SNX17: variants seen among roughly 807,000 people sequenced by gnomAD.
The protein encoded by SNX17 is sorting nexin 17.
SNX17 carries 35 observed loss-of-function variants against 64.3 expected under a neutral mutation model. That is an observed-to-expected ratio of 0.54 (90% confidence interval 0.42 to 0.72). The LOEUF (loss-of-function observed/expected upper bound fraction) is 0.72, where lower values mean the gene tolerates loss of function less well. SNX17 is among the 30% of genes least tolerant of loss of function. The probability of loss-of-function intolerance (pLI) is 0.00; values close to 1 mark genes in which losing one functional copy is unlikely to be tolerated. For missense variants in SNX17, 538 were observed against 610.0 expected, an observed-to-expected ratio of 0.88 and a Z score of 1.24; for synonymous variants, 259 against 230.2, an observed-to-expected ratio of 1.13 and a Z score of -1.13.
Position 27,376,879 on chromosome 2 carries a change from T to C in SNX17, c.*160T>C. 3.2e-6 allele frequency: 2 copies of C among 628,284 alleles called. No homozygotes were observed. The highest frequency in any genetic ancestry group is 2.8e-6 in the Non-Finnish European group (1 of 359,028). The allele number at this position is 628,284 out of a possible 1,614,324, so 38.9% of individuals were successfully genotyped here. On this transcript the variant is annotated 3_prime_UTR_variant, in exon 15 of 15. Coordinates refer to ENST00000233575, the MANE Select transcript of SNX17 (RefSeq NM_014748.4). ...GGGCCTCGTATCCTACCTTTCCTTG[T>C]CCCCTGGGCTGGCTGCACAGAGGAT... is the stretch of plus-strand genomic sequence containing the variant.
In SNX17 at chr2:27,377,529, G is replaced by A. The variant is rs1558310537; in HGVS notation, c.*810G>A. The A allele has an allele frequency of 3.7e-6, 6 of 1,613,328 alleles. No individual in the cohort carries two copies. The highest frequency in any genetic ancestry group is 5.1e-6 in the Non-Finnish European group (6 of 1,179,440). On this transcript the variant is annotated 3_prime_UTR_variant, in exon 15 of 15. Coordinates refer to ENST00000233575, the MANE Select transcript of SNX17 (RefSeq NM_014748.4). The surrounding 1 kb of genome is among the most constrained non-coding windows in gnomAD (Gnocchi z 4.4). ...TCTGGTCCGTCTGTATAAAACATGGGGAAGAAGGACCTAGTTCAGGATGAG... is the reference window on the plus strand; with the variant it reads ...TCTGGTCCGTCTGTATAAAACATGGAGAAGAAGGACCTAGTTCAGGATGAG...
intron 2 of SNX17, chr2:27,371,582 C>A (rs1682552235): frequency 1.3e-6 from 1 of 764,976 alleles, no homozygotes; most frequent in Non-Finnish European, 1.8e-6. Context: ...TCCAGTCTTA[C>A]TGCTCTAGTA....
chr2:27,371,534 A>G, intron 2 of SNX17, 191 bp downstream of exon 2: 1 of 1,197,174 alleles, frequency 8.4e-7, no homozygotes, highest in Non-Finnish European at 1.1e-6. Context: ...TGTCCGCGCA[A>G]CAACTGCTCC....
In SNX17 at chr2:27,372,731, A is replaced by G. The variant is rs1558302322; in HGVS notation, c.247A>G (p.Met83Val). The change falls in exon 3 of 15, where the codon ATG (methionine) becomes GTG (valine). Residue 83 changes from methionine to valine, a missense_variant. Physicochemically the swap from Met to Val is conservative, Grantham distance 21. This residue lies in a region of SNX17 where 505 missense variants were observed against 550.4 expected (regional missense o/e 0.92). Coordinates refer to ENST00000233575, the MANE Select transcript of SNX17 (RefSeq NM_014748.4). ...GAGGAGAGAGCAGTTAGAGAAGTAC[A>G]TGCAAGCTGGTGAGTGGTTGCAGGA... ...EQRREQLEKY[M>V]QAVRQDPLLG... 6 of 1,614,180 alleles carry G rather than the reference A, an allele frequency of 3.7e-6. No individual in the cohort carries two copies. The highest frequency in any genetic ancestry group is 1.7e-5 in the Admixed American group (1 of 60,024).
At chr2:27,373,382 A>T in intron 4 of SNX17, 71 bp downstream of exon 4, 1 of 1,523,432 alleles carries the variant, frequency 6.6e-7, no homozygotes, top group East Asian at 2.3e-5. Context: ...TATTTTTTTG[A>T]GACAGAGTCT....
intron 3 of SNX17, 123 bp downstream of exon 3, chr2:27,372,863 G>A: frequency 7.4e-7 from 1 of 1,359,296 alleles, no homozygotes; most frequent in Non-Finnish European, 1.0e-6. Flanking sequence ...TGTTTGATCT[G>A]TTATGCAGTT....
rs1174503596 is a variant in SNX17 at position 27,376,763 on chromosome 2, C to T, written c.*44C>T. ...CTGCCCTCTACCCCAGAGGAATTTA[C>T]AGAAACTTGCCCTGTGCCTGTGTCC... On this transcript the variant is annotated 3_prime_UTR_variant, in exon 15 of 15. Coordinates refer to ENST00000233575, the MANE Select transcript of SNX17 (RefSeq NM_014748.4). 1 of 1,538,802 alleles carries T rather than the reference C, an allele frequency of 6.5e-7. No individual in the cohort carries two copies. The highest frequency in any genetic ancestry group is 9.0e-7 in the Non-Finnish European group (1 of 1,115,258).
chr2:27,376,270 G>A (rs1340509948), intron 12 of SNX17, 43 bp from the exon 13 acceptor site: 4 of 1,611,988 alleles, frequency 2.5e-6, no homozygotes, highest in South Asian at 1.1e-5. Context: ...GAGAGGGAGG[G>A]GAAGTGATCC....
rs1227107801 is a variant in SNX17, at chr2:27,376,129, G to A, written c.1128G>A (p.Leu376=). ...AGGCTATCATGATGAGCATCTGCTT[G>A]CAGTCCATGGTTGATGAACTGATGG... ...SPQAIMMSIC[L]QSMVDELMVK... is the part of the protein sequence containing the mutation. The change falls in exon 12 of 15, where the codon TTG becomes TTA. Residue 376 remains leucine (L), a synonymous_variant. Coordinates refer to ENST00000233575, the MANE Select transcript of SNX17 (RefSeq NM_014748.4). 6 of 1,614,136 alleles carry A rather than the reference G, an allele frequency of 3.7e-6. No individual in the cohort carries two copies. The highest frequency in any genetic ancestry group is 5.1e-6 in the Non-Finnish European group (6 of 1,180,026).
chr2:27,371,286 G>A lies in SNX17; in HGVS notation c.81G>A (p.Val27=), dbSNP rs1402252861. 6.2e-7 allele frequency: 1 copy of A among 1,613,650 alleles called. No homozygotes were observed. Among genetic ancestry groups the A allele is most frequent in the Middle Eastern group, 1.7e-4 (1 of 6,060 alleles). The change falls in exon 2 of 15, where the codon GTG becomes GTA. Residue 27 remains valine (V), a synonymous_variant. Coordinates refer to ENST00000233575, the MANE Select transcript of SNX17 (RefSeq NM_014748.4). ...GTCCTCAGGCCTATAACATTCACGT[G>A]AATGGAGTCCTGCACTGTCGGGTGC... ...GSAYVAYNIH[V]NGVLHCRVRY... is the part of the protein sequence containing the mutation.
At chr2:27,374,998 T>C in intron 8 of SNX17, 63 bp from the exon 9 acceptor site, 1 of 1,457,360 alleles carries the variant, frequency 6.9e-7, no homozygotes, top group South Asian at 1.1e-5. Context: ...GAGGTAATGG[T>C]AGACGCTTTC....
In SNX17 at chr2:27,374,745, T is replaced by C. The variant is rs1682992677; in HGVS notation, c.668T>C (p.Leu223Pro). ...DVMENRVGLN[L>P]LYAQTVSDIE... Reference sequence around the variant, plus strand: ...ATGGAGAACCGGGTTGGCCTGAACCTGCTTTATGCTCAGGTGAGCTTGGAG... The same window carrying C: ...ATGGAGAACCGGGTTGGCCTGAACCCGCTTTATGCTCAGGTGAGCTTGGAG... Residue 223 changes from leucine to proline, a missense_variant, in exon 8 of 15, where the codon CTG becomes CCG. Physicochemically the swap from Leu to Pro is moderately conservative, Grantham distance 98. Transcript: ENST00000233575. The C allele has an allele frequency of 6.2e-7, 1 of 1,614,018 alleles. No individual in the cohort carries two copies. The highest frequency in any genetic ancestry group is 8.5e-7 in the Non-Finnish European group (1 of 1,180,006).
chr2:27,371,219 G>T (rs967006290), intron 1 of SNX17, 50 bp from the exon 2 acceptor site: 2 of 1,545,034 alleles, frequency 1.3e-6, no homozygotes, highest in African/African-American at 2.7e-5. Context: ...TTCTCAGGGG[G>T]GTTGCGCAGA....
intron 3 of SNX17, 38 bp from the exon 4 acceptor site, chr2:27,373,209 T>G (rs1479361069): frequency 6.2e-7 from 1 of 1,613,350 alleles, no homozygotes; most frequent in South Asian, 1.1e-5. Flanking sequence ...CAAGAGTGAG[T>G]GCTAAGTTCC....
Position 27,375,926 on chromosome 2 carries a change from C to T in SNX17, c.1059C>T (p.Leu353=). 6.2e-7 allele frequency: 1 copy of T among 1,614,190 alleles called. No homozygotes were observed. The highest frequency in any genetic ancestry group is 2.2e-5 in the East Asian group (1 of 44,886). The change falls in exon 11 of 15, where the codon CTC becomes CTT. Residue 353 remains leucine (L), a synonymous_variant. Coordinates refer to ENST00000233575, the MANE Select transcript of SNX17 (RefSeq NM_014748.4). This position sits in a 1 kb window ranked among gnomAD's most constrained non-coding sequence, Gnocchi z 4.1. ...EVRLELAFEY[L]MSKDRLQWVT... ...GCCTGGAACTGGCTTTTGAATACCT[C>T]ATGAGCAAGGACCGGCTACAGTGGG...
chr2:27,376,465 C>G lies in SNX17; in HGVS notation c.1258-14C>G. 1 of 1,614,182 alleles carries G rather than the reference C, an allele frequency of 6.2e-7. No individual in the cohort carries two copies. Among genetic ancestry groups the G allele is most frequent in the Non-Finnish European group, 8.5e-7 (1 of 1,180,040 alleles). Reference sequence around the variant, plus strand: ...CCTAGTGAGTTTCTGACACCTCTGCCTCTTCTTCCCCAGGAGTCACCTGAT... The same window carrying G: ...CCTAGTGAGTTTCTGACACCTCTGCGTCTTCTTCCCCAGGAGTCACCTGAT... On this transcript the variant is annotated splice_polypyrimidine_tract_variant and intron_variant, in intron 13 of 14. Coordinates refer to ENST00000233575, the MANE Select transcript of SNX17 (RefSeq NM_014748.4).
chr2:27,374,800 T>G, intron 8 of SNX17, 42 bp downstream of exon 8: 1 of 1,578,718 alleles, frequency 6.3e-7, no homozygotes, highest in South Asian at 1.1e-5. Context: ...CTGAAGAAAA[T>G]AACGGGTGAC....
rs760355279 is a variant in SNX17, at chr2:27,377,410, A to G, written c.*691A>G. On this transcript the variant is annotated 3_prime_UTR_variant, in exon 15 of 15. Coordinates refer to ENST00000233575, the MANE Select transcript of SNX17 (RefSeq NM_014748.4). The surrounding 1 kb of genome is among the most constrained non-coding windows in gnomAD (Gnocchi z 4.4). ...GTCAAGGCAAGGTCCCCTGGTCCAT[A>G]TGGGCCCCCCCGCCCATGGGGTTGG... The G allele has an allele frequency of 2.0e-6, 2 of 975,654 alleles. No individual in the cohort carries two copies. The highest frequency in any genetic ancestry group is 1.6e-6 in the Non-Finnish European group (1 of 632,934). The allele number at this position is 975,654 out of a possible 1,614,324, so 60.4% of individuals were successfully genotyped here.
chr2:27,374,910 A>G, intron 8 of SNX17, 151 bp from the exon 9 acceptor site: 1 of 959,370 alleles, frequency 1.0e-6, no homozygotes, highest in Non-Finnish European at 1.6e-6. Context: ...TACTCTCCCT[A>G]CTTTTATTAA....
Sources: allele counts gnomAD v4.1 joint callset, GRCh38; gene constraint gnomAD v4.1.1; regional missense constraint gnomAD v4.1.1; non-coding constraint Gnocchi (gnomAD v3.1); transcripts MANE v1.5; gene names NCBI Gene and HGNC (gene_info 2026-07-23, HGNC 2026-07-21).